Variants in EIF4E3 observed in about 807,000 individuals in gnomAD.
EIF4E3 encodes eukaryotic translation initiation factor 4E type 3.
A neutral mutation model predicts 31.7 loss-of-function variants in EIF4E3; 26 were observed. The observed-to-expected ratio is 0.82, with a 90% confidence interval of 0.60 to 1.14. EIF4E3 has a LOEUF of 1.14. EIF4E3 is among the 50% of genes most tolerant of loss of function. The pLI is 0.00. For synonymous variants in EIF4E3, 128 were observed against 107.7 expected (o/e 1.19, Z -1.17); for missense variants, 304 against 270.9 (o/e 1.12, Z -0.86).
chr3:71,725,865 G>A (rs1472511829), upstream of EIF4E3, among the ~76,000 whole-genome samples: 1 of 152,214 alleles, frequency 6.6e-6, no homozygotes, highest in Non-Finnish European at 1.5e-5. This position sits in a 1 kb window ranked among gnomAD's most constrained non-coding sequence, Gnocchi z 6.1. Flanking sequence ...CCAGCAGTCA[G>A]AAGGATGGAG....
intron 3 of EIF4E3, among the ~76,000 whole-genome samples, chr3:71,698,968 C>T (rs1017931032): frequency 4.6e-5 from 7 of 152,182 alleles, no homozygotes; most frequent in African/African-American, 1.2e-4. Context: ...TGCCTGTAAT[C>T]CCAGCACTTT....
At chr3:71,753,171 G>A (rs1280055302) in intron 1 of EIF4E3, among the ~76,000 whole-genome samples, 1 of 152,108 alleles carries the variant, frequency 6.6e-6, no homozygotes, top group Non-Finnish European at 1.5e-5. Context: ...TGCTTCCTGA[G>A]GTATAAAGTG....
chr3:71,666,094 T>A, the EIF4E3 span, among the ~76,000 whole-genome samples: 1 of 151,878 alleles, frequency 6.6e-6, no homozygotes, highest in Non-Finnish European at 1.5e-5. Context: ...ATAACTAATA[T>A]CAGACCTGAA....
At chr3:71,751,059 G>A (rs944297421) in intron 1 of EIF4E3, among the ~76,000 whole-genome samples, 2 of 151,890 alleles carry the variant, frequency 1.3e-5, no homozygotes, top group Non-Finnish European at 2.9e-5. Flanking sequence ...ACCGCATCCG[G>A]CCTCTACAAA....
At chr3:71,727,677 T>G (rs982510726), upstream of EIF4E3, among the ~76,000 whole-genome samples, 2 of 152,236 alleles carry the variant, frequency 1.3e-5, no homozygotes, top group African/African-American at 4.8e-5. Context: ...AATTTATATA[T>G]AGCTGATATA....
chr3:71,740,694 C>T (rs1186014908), intron 1 of EIF4E3, among the ~76,000 whole-genome samples: 2 of 152,236 alleles, frequency 1.3e-5, no homozygotes, highest in Non-Finnish European at 2.9e-5. Flanking sequence ...GATCGTGCCA[C>T]TGCACTCCAG....
rs1253508878 is a variant in EIF4E3 at position 71,719,879 on chromosome 3, T to C, written c.176+5313A>G. Reference sequence around the variant, plus strand: ...AAATACAAAAATTAGCTGGGTGTAGTAGCACATGCCTGTTGTCCCAGCTAC... The same window carrying C: ...AAATACAAAAATTAGCTGGGTGTAGCAGCACATGCCTGTTGTCCCAGCTAC... On this transcript the variant is annotated intron_variant, in intron 1 of 6. Transcript: ENST00000425534. Among the ~76,000 whole-genome samples the C allele has an allele frequency of 2.6e-5, 4 of 151,824 alleles. No homozygotes were observed. The East Asian group carries it at 7.7e-4, about 29-fold the overall frequency.
intron 3 of EIF4E3, among the ~76,000 whole-genome samples, chr3:71,698,308 T>C (rs1049570655): frequency 6.6e-6 from 1 of 152,152 alleles, no homozygotes; most frequent in African/African-American, 2.4e-5. Context: ...CGCTTGACTC[T>C]GGGGATGGAC....
chr3:71,671,371 G>A (rs2048847069), downstream of EIF4E3, among the ~76,000 whole-genome samples: 1 of 152,092 alleles, frequency 6.6e-6, no homozygotes, highest in Non-Finnish European at 1.5e-5. Context: ...GCGGCTTGGA[G>A]CACCCGTGTC....
At chr3:71,710,584 GT>G in intron 1 of EIF4E3, 100 bp from the exon 2 acceptor site, 1 of 1,201,086 alleles carries the variant, frequency 8.3e-7, no homozygotes, top group Non-Finnish European at 1.2e-6. Flanking sequence ...TAAAAATCAG[GT>G]CTCAAACCAC....
At chr3:71,672,526 C>T (rs1194945058), downstream of EIF4E3, among the ~76,000 whole-genome samples, 1 of 152,088 alleles carries the variant, frequency 6.6e-6, no homozygotes, top group Non-Finnish European at 1.5e-5. Flanking sequence ...CTTTTGTTAC[C>T]CTAATCAGAG....
intron 3 of EIF4E3, among the ~76,000 whole-genome samples, chr3:71,697,174 C>A (rs1194254288): frequency 6.6e-6 from 1 of 152,022 alleles, no homozygotes; most frequent in Non-Finnish European, 1.5e-5. Flanking sequence ...TGCCATCACA[C>A]CTGGCTAATT....
At chr3:71,754,532 C>T (rs747024516), upstream of EIF4E3, 16 of 1,342,850 alleles carry the variant, frequency 1.2e-5, no homozygotes, top group South Asian at 1.7e-4. This position sits in a 1 kb window ranked among gnomAD's most constrained non-coding sequence, Gnocchi z 5.8. Context: ...CAGTGCTGGA[C>T]GGCGGTGGCG....
the EIF4E3 span, among the ~76,000 whole-genome samples, chr3:71,663,054 G>A: frequency 9.2e-5 from 14 of 152,116 alleles, no homozygotes; most frequent in East Asian, 2.7e-3. Flanking sequence ...ACTCAAAACT[G>A]AACTTGAATA....
At chr3:71,669,193 C>G in the EIF4E3 span, among the ~76,000 whole-genome samples, 3 of 137,290 alleles carry the variant, frequency 2.2e-5, no homozygotes, top group South Asian at 6.7e-4. Context: ...GGGAGTTGAA[C>G]AGTGAGAACA....
the EIF4E3 span, among the ~76,000 whole-genome samples, chr3:71,662,917 T>C: frequency 2.0e-5 from 3 of 152,176 alleles, no homozygotes; most frequent in South Asian, 4.1e-4. Flanking sequence ...AAGCTGAGCA[T>C]GATGAGTGCA....
chr3:71,697,453 T>C (rs969706072), intron 3 of EIF4E3, among the ~76,000 whole-genome samples: 1 of 152,236 alleles, frequency 6.6e-6, no homozygotes, highest in African/African-American at 2.4e-5. Flanking sequence ...TTTTAGTTAT[T>C]TCAAAATACA....
downstream of EIF4E3, among the ~76,000 whole-genome samples, chr3:71,674,923 C>T (rs1323757257): frequency 6.6e-6 from 1 of 152,182 alleles, no homozygotes; most frequent in East Asian, 1.9e-4. Flanking sequence ...GAATTTCAAC[C>T]CAATAAAGCA....
At position 71,725,401 on chromosome 3, in the gene EIF4E3, G is replaced by A. The variant is rs867228834; in HGVS notation, c.-34C>T. The A allele has an allele frequency of 2.0e-6, 2 of 977,174 alleles. No homozygotes were observed. The highest frequency in any genetic ancestry group is 2.4e-6 in the Non-Finnish European group (2 of 826,026). 60.5% of individuals were successfully genotyped at this position (977,174 alleles called of 1,614,324 possible). A position where few individuals can be genotyped will look rare whatever the true frequency, so the allele number is the denominator to read the frequency against. On this transcript the variant is annotated 5_prime_UTR_variant, in exon 1 of 7. Coordinates refer to ENST00000425534, the MANE Select transcript of EIF4E3 (RefSeq NM_001134651.2). The surrounding 1 kb of genome is among the most constrained non-coding windows in gnomAD (Gnocchi z 6.1). ...CCCCGCCTGCAAGGCCGGCGGACGC[G>A]CGGACCGCGGGGCGAGCGCGGCTGA...
Sources: allele counts gnomAD v4.1 joint callset (sites outside exome capture counted in the v4.1 genomes callset), GRCh38; gene constraint gnomAD v4.1.1; non-coding constraint Gnocchi (gnomAD v3.1); transcripts MANE v1.5; gene names NCBI Gene and HGNC (gene_info 2026-07-23, HGNC 2026-07-21).